SLX4IP: variants seen among roughly 807,000 people sequenced by gnomAD.
SLX4IP encodes the protein protein SLX4IP.
A neutral mutation model predicts 32.9 loss-of-function variants in SLX4IP; 34 were observed. The ratio of observed to expected loss-of-function variants is 1.03; its 90% CI spans 0.79 to 1.38. The LOEUF is 1.38. Ranked by LOEUF, SLX4IP falls within the 40% of genes most tolerant of loss-of-function variation. The probability of loss-of-function intolerance (pLI) is 0.00; values close to 1 mark genes in which losing one functional copy is unlikely to be tolerated. For missense variants in SLX4IP, 444 were observed against 479.0 expected, an observed-to-expected ratio of 0.93 and a Z score of 0.68; for synonymous variants, 172 against 171.7, an observed-to-expected ratio of 1.00 and a Z score of -0.01.
intron 4 of SLX4IP, among the ~76,000 whole-genome samples, chr20:10,578,964 A>T (rs2066552297): frequency 6.6e-6 from 1 of 152,116 alleles, no homozygotes; most frequent in African/African-American, 2.4e-5. Context: ...AACATTCTAG[A>T]TATAAGTCCC....
intron 1 of SLX4IP, among the ~76,000 whole-genome samples, chr20:10,448,508 G>C (rs2122327232): frequency 6.6e-6 from 1 of 152,334 alleles, no homozygotes; most frequent in East Asian, 1.9e-4. Flanking sequence ...ATGTAAAACA[G>C]ATGGCTCAAA....
At chr20:10,547,816 C>A (rs1448328226) in intron 2 of SLX4IP, among the ~76,000 whole-genome samples, 4 of 152,218 alleles carry the variant, frequency 2.6e-5, no homozygotes, top group Admixed American at 6.5e-5. Flanking sequence ...AACAAACACT[C>A]TTCACGACCA....
intron 4 of SLX4IP, among the ~76,000 whole-genome samples, chr20:10,570,085 T>TG (rs2066444606): frequency 6.6e-6 from 1 of 152,208 alleles, no homozygotes; most frequent in Non-Finnish European, 1.5e-5. Flanking sequence ...GAGACAGCTC[T>TG]GGGGTGCACC....
intron 4 of SLX4IP, among the ~76,000 whole-genome samples, chr20:10,592,874 T>C (rs1026107458): frequency 2.6e-5 from 4 of 152,080 alleles, no homozygotes; most frequent in Non-Finnish European, 5.9e-5. Flanking sequence ...CCTCGTGATC[T>C]GCCCACCTTG....
chr20:10,540,454 T>C (rs562281201), intron 2 of SLX4IP, among the ~76,000 whole-genome samples: 48 of 152,294 alleles, frequency 3.2e-4, no homozygotes, highest in African/African-American at 1.2e-3. Context: ...CAGGAGGCTC[T>C]TCACTTATCC....
At chr20:10,437,500 T>G (rs1268718984) in intron 1 of SLX4IP, among the ~76,000 whole-genome samples, 2 of 152,202 alleles carry the variant, frequency 1.3e-5, no homozygotes, top group African/African-American at 2.4e-5. Context: ...TTCTCTCCCT[T>G]ATGGTGTTAC....
chr20:10,482,097 T>C (rs2065527533), intron 2 of SLX4IP, among the ~76,000 whole-genome samples: 1 of 152,220 alleles, frequency 6.6e-6, no homozygotes, highest in African/African-American at 2.4e-5. Context: ...TATATAAGGG[T>C]GTGAAAACCA....
chr20:10,450,401 A>T (rs2065231800), intron 1 of SLX4IP, among the ~76,000 whole-genome samples: 1 of 152,234 alleles, frequency 6.6e-6, no homozygotes, highest in Non-Finnish European at 1.5e-5. Flanking sequence ...TAAAAAATTC[A>T]TATAAAGTTT....
intron 2 of SLX4IP, among the ~76,000 whole-genome samples, chr20:10,519,628 A>T (rs1178774641): frequency 6.6e-6 from 1 of 152,172 alleles, no homozygotes; most frequent in African/African-American, 2.4e-5. Context: ...CAGTTGAGGG[A>T]CATTTGGATT....
At position 10,626,036 on chromosome 20, in the gene SLX4IP, A is replaced by T; in HGVS notation, c.*2657A>T. On this transcript the variant is annotated 3_prime_UTR_variant, in exon 8 of 8. Transcript: ENST00000334534. ...TTTTTTTTTTTTTTTTTTTTTTGAG[A>T]CAGAGTCTCGCTCTGTCGCCCAGGC... The T allele has an allele frequency of 8.5e-6, 1 of 117,616 alleles. No homozygotes were observed. The highest frequency in any genetic ancestry group is 1.7e-5 in the Non-Finnish European group (1 of 58,268). 7.3% of individuals were successfully genotyped at this position (117,616 alleles called of 1,614,324 possible).
At chr20:10,536,638 C>T (rs1321078203) in intron 2 of SLX4IP, among the ~76,000 whole-genome samples, 2 of 152,194 alleles carry the variant, frequency 1.3e-5, no homozygotes, top group Non-Finnish European at 2.9e-5. Flanking sequence ...AGCCTGGCCA[C>T]CGTTGCCCTC....
intron 2 of SLX4IP, among the ~76,000 whole-genome samples, chr20:10,492,750 T>G (rs1393016803): frequency 1.3e-5 from 2 of 152,180 alleles, no homozygotes; most frequent in Admixed American, 6.5e-5. Context: ...TTCAAAAATT[T>G]TAGGTTTTTG....
intron 2 of SLX4IP, among the ~76,000 whole-genome samples, chr20:10,481,636 A>G (rs935131730): frequency 2.0e-5 from 3 of 152,076 alleles, no homozygotes; most frequent in Non-Finnish European, 4.4e-5. Context: ...TTGATTCTCA[A>G]TTTATTTCCT....
At chr20:10,548,429 CG>C (rs1371153263) in intron 2 of SLX4IP, among the ~76,000 whole-genome samples, 2 of 152,090 alleles carry the variant, frequency 1.3e-5, no homozygotes, top group Non-Finnish European at 2.9e-5. Flanking sequence ...TTAGTAGAGA[CG>C]GGGTTTCACC....
chr20:10,539,860 T>C (rs1170840325), intron 2 of SLX4IP, among the ~76,000 whole-genome samples: 1 of 152,110 alleles, frequency 6.6e-6, no homozygotes, highest in African/African-American at 2.4e-5. Flanking sequence ...ATAGTTATTA[T>C]TTTAAAAGCT....
At chr20:10,460,225 A>T (rs2065325003) in intron 2 of SLX4IP, among the ~76,000 whole-genome samples, 1 of 152,342 alleles carries the variant, frequency 6.6e-6, no homozygotes, top group Admixed American at 6.5e-5. Flanking sequence ...CAACAGTTTA[A>T]AGATAATTTT....
intron 2 of SLX4IP, among the ~76,000 whole-genome samples, chr20:10,525,167 T>C (rs759884343): frequency 1.3e-5 from 2 of 152,228 alleles, no homozygotes; most frequent in Non-Finnish European, 2.9e-5. Context: ...ATAATTAGTA[T>C]TTTCATCATT....
intron 2 of SLX4IP, among the ~76,000 whole-genome samples, chr20:10,545,634 G>A (rs1030888165): frequency 2.0e-5 from 3 of 152,152 alleles, no homozygotes; most frequent in African/African-American, 7.2e-5. Flanking sequence ...GAAGATTCCA[G>A]GGAAAAATTA....
chr20:10,503,584 T>A (rs1226459882), intron 2 of SLX4IP, among the ~76,000 whole-genome samples: 1 of 152,222 alleles, frequency 6.6e-6, no homozygotes, highest in Non-Finnish European at 1.5e-5. Flanking sequence ...GTTTCTTAGC[T>A]CAAGGCAAAA....
Sources: gnomAD v4.1 joint callset for allele counts (sites outside exome capture counted in the v4.1 genomes callset) on GRCh38, gnomAD v4.1.1 for gene constraint, MANE v1.5 for transcripts, NCBI Gene and HGNC (gene_info 2026-07-23, HGNC 2026-07-21) for gene names.